FBLN7: variants seen among roughly 807,000 people sequenced by gnomAD.
FBLN7 encodes the protein fibulin 7, also known as fibulin-7.
In FBLN7, 31 loss-of-function variants were observed where a neutral mutation model predicts 44.0. The observed-to-expected ratio is 0.70, with a 90% CI of 0.53 to 0.95. The LOEUF (loss-of-function observed/expected upper bound fraction) is 0.95. Ranked by LOEUF, FBLN7 falls within the 40% of genes least tolerant of loss-of-function variation. FBLN7 has a pLI of 0.00. For synonymous variants in FBLN7, 262 were observed against 253.4 expected (o/e 1.03, Z -0.32); for missense variants, 573 against 618.5 (o/e 0.93, Z 0.78).
the FBLN7 span, among the ~76,000 whole-genome samples, chr2:112,221,595 G>A: frequency 6.6e-6 from 1 of 152,090 alleles, no homozygotes; most frequent in Non-Finnish European, 1.5e-5. Flanking sequence ...GTCTGACTGA[G>A]GTATTTTGGA....
downstream of FBLN7, among the ~76,000 whole-genome samples, chr2:112,191,942 T>C (rs1376158984): frequency 6.6e-6 from 1 of 152,236 alleles, no homozygotes; most frequent in Non-Finnish European, 1.5e-5. Context: ...TTCCTGCTTC[T>C]CTTCTGCTGT....
chr2:112,189,267 C>G (rs1683403692), downstream of FBLN7: 1 of 152,222 alleles, frequency 6.6e-6, no homozygotes, highest in South Asian at 2.1e-4. Flanking sequence ...GCAACAATTT[C>G]CATCACCAAG....
chr2:112,229,795 A>T, the FBLN7 span, among the ~76,000 whole-genome samples: 3 of 152,238 alleles, frequency 2.0e-5, no homozygotes, highest in Non-Finnish European at 4.4e-5. Context: ...ATAAACGTAT[A>T]CAGCAAAGCT....
At chr2:112,209,620 G>A in the FBLN7 span, among the ~76,000 whole-genome samples, 1 of 152,168 alleles carries the variant, frequency 6.6e-6, no homozygotes, top group African/African-American at 2.4e-5. Context: ...ACATGAGAGG[G>A]TAACCAAGCA....
At chr2:112,184,844 C>CAT (rs1429309754) in intron 6 of FBLN7, among the ~76,000 whole-genome samples, 1 of 145,238 alleles carries the variant, frequency 6.9e-6, no homozygotes, top group Non-Finnish European at 1.5e-5. Flanking sequence ...TATACACACA[C>CAT]ACATATATAT....
chr2:112,182,825 G>A lies in FBLN7; in HGVS notation c.705G>A (p.Gly235=), dbSNP rs79906489. 4 of 1,610,488 alleles carry A rather than the reference G, an allele frequency of 2.5e-6. No homozygotes were observed. In the African/African-American group the frequency reaches 5.3e-5, roughly 21 times the overall value. The stretch of plus-strand genomic sequence containing the variant: ...AGTGTGAGCTCTACGGGCAGGAGGG[G>A]CGCCCCCGGCTCTGCATGCACGCCT... The part of the protein sequence containing the change: ...VNECELYGQE[G]RPRLCMHACV... The change falls in exon 6 of 8, where the codon GGG becomes GGA. Residue 235 remains glycine, a synonymous_variant. Transcript: ENST00000331203.
the FBLN7 span, among the ~76,000 whole-genome samples, chr2:112,203,928 C>G: frequency 2.0e-3 from 309 of 152,262 alleles, 2 homozygotes; most frequent in African/African-American, 6.9e-3. Flanking sequence ...CTCCCACCAG[C>G]TCCCTCCCAC....
At chr2:112,149,608 G>T (rs944875425) in intron 1 of FBLN7, among the ~76,000 whole-genome samples, 3 of 152,156 alleles carry the variant, frequency 2.0e-5, no homozygotes, top group African/African-American at 4.8e-5. Context: ...GCAAGGGTTT[G>T]TGCAGCCCTG....
chr2:112,244,699 C>CGATCT, the FBLN7 span, among the ~76,000 whole-genome samples: 1 of 152,140 alleles, frequency 6.6e-6, no homozygotes, highest in Middle Eastern at 3.2e-3. Flanking sequence ...TCTGTTATAG[C>CGATCT]GATCTGTGAT....
the FBLN7 span, among the ~76,000 whole-genome samples, chr2:112,234,923 G>A: frequency 6.6e-6 from 1 of 152,022 alleles, no homozygotes; most frequent in Non-Finnish European, 1.5e-5. Flanking sequence ...CAAAAGCAGT[G>A]GAATCTATAG....
intron 1 of FBLN7, among the ~76,000 whole-genome samples, chr2:112,157,724 A>G (rs1260692456): frequency 1.3e-5 from 2 of 152,138 alleles, no homozygotes; most frequent in Non-Finnish European, 2.9e-5. Flanking sequence ...CCCAGGCTCA[A>G]GTGATCTTCC....
intron 2 of FBLN7, among the ~76,000 whole-genome samples, chr2:112,162,888 A>T (rs1681949880): frequency 6.6e-6 from 1 of 152,136 alleles, no homozygotes; most frequent in African/African-American, 2.4e-5. Context: ...TGCATTTTAA[A>T]ACTCTTTAAC....
the FBLN7 span, among the ~76,000 whole-genome samples, chr2:112,210,170 A>G: frequency 6.6e-6 from 1 of 151,782 alleles, no homozygotes; most frequent in African/African-American, 2.4e-5. Flanking sequence ...TGAGGTGGAG[A>G]ATGTGGTGGC....
At chr2:112,206,512 C>G in the FBLN7 span, among the ~76,000 whole-genome samples, 1 of 152,108 alleles carries the variant, frequency 6.6e-6, no homozygotes, top group Admixed American at 6.5e-5. Flanking sequence ...ACTTGAGATT[C>G]CTGGGTTCAA....
intron 2 of FBLN7, among the ~76,000 whole-genome samples, chr2:112,162,637 C>T (rs192294841): frequency 1.3e-5 from 2 of 152,312 alleles, no homozygotes; most frequent in Admixed American, 6.5e-5. Context: ...CCAAAGGACA[C>T]GTTCCCCTTC....
chr2:112,186,608 C>T (rs752815389), intron 7 of FBLN7, among the ~76,000 whole-genome samples: 26 of 152,212 alleles, frequency 1.7e-4, no homozygotes, highest in South Asian at 1.0e-3. Flanking sequence ...CCATTGCACT[C>T]CAGCCTGGGC....
At chr2:112,194,771 G>C in the FBLN7 span, among the ~76,000 whole-genome samples, 1 of 152,226 alleles carries the variant, frequency 6.6e-6, no homozygotes, top group East Asian at 1.9e-4. Context: ...GGTTTTATCA[G>C]ATAGCCCTGT....
chr2:112,157,895 T>TTAAAGGCAGTTGAGA (rs1681516913), intron 1 of FBLN7, among the ~76,000 whole-genome samples: 1 of 151,310 alleles, frequency 6.6e-6, no homozygotes, highest in African/African-American at 2.4e-5. Flanking sequence ...GTCCTGGTTC[T>TTAAAGGCAGTTGAGA]TTGGTTCTTT....
At position 112,175,822 on chromosome 2, in the gene FBLN7, A is replaced by G. The variant is rs368883922; in HGVS notation, c.515A>G (p.Gln172Arg). Residue 172 changes from glutamine to arginine, a missense_variant, in exon 4 of 8, where the codon CAG becomes CGG. Coordinates refer to ENST00000331203, the MANE Select transcript of FBLN7 (RefSeq NM_153214.3). ...CCAGGAAGGACTGGGAACCGCTGTC[A>G]GCATCAGGCCCAGACTGGTATGTAG... Reference protein sequence around the residue: ...CPPGRTGNRCQHQAQTAAPEG... With the variant: ...CPPGRTGNRCRHQAQTAAPEG... The G allele has an allele frequency of 6.2e-7, 1 of 1,614,060 alleles. No individual in the cohort carries two copies. Among genetic ancestry groups the G allele is most frequent in the African/African-American group, 1.3e-5 (1 of 74,944 alleles).
Sources: gnomAD v4.1 joint callset for allele counts (sites outside exome capture counted in the v4.1 genomes callset) on GRCh38, gnomAD v4.1.1 for gene constraint, MANE v1.5 for transcripts, NCBI Gene and HGNC (gene_info 2026-07-23, HGNC 2026-07-21) for gene names.